HDAC9: variants seen among roughly 807,000 people sequenced by gnomAD.
HDAC9 encodes histone deacetylase 9, also known as MEF-2 interacting transcription repressor (MITR) protein.
A neutral mutation model predicts 139.4 loss-of-function variants in HDAC9; 41 were observed. The ratio of observed to expected loss-of-function variants is 0.29; its 90% confidence interval spans 0.23 to 0.38. The LOEUF is 0.38. HDAC9 is among the 10% of genes least tolerant of loss of function. HDAC9 has a pLI of 1.00. For synonymous variants in HDAC9, 517 were observed against 476.2 expected (o/e 1.09, Z -1.12); for missense variants, 1,147 against 1,297.0 (o/e 0.88, Z 1.78).
At chr7:18,966,337 T>G (rs1240371154) in intron 24 of HDAC9, among the ~76,000 whole-genome samples, 1 of 152,208 alleles carries the variant, frequency 6.6e-6, no homozygotes, top group Non-Finnish European at 1.5e-5. Flanking sequence ...TACTCAACAT[T>G]GCTGCCACTT....
chr7:18,573,247 C>T (rs1020761578), intron 2 of HDAC9, among the ~76,000 whole-genome samples: 3 of 152,190 alleles, frequency 2.0e-5, no homozygotes, highest in Admixed American at 2.0e-4. Context: ...CTGGATTAAT[C>T]AATTTAAATA....
intron 1 of HDAC9, among the ~76,000 whole-genome samples, chr7:18,308,150 T>G (rs961295267): frequency 6.6e-6 from 1 of 152,216 alleles, no homozygotes; most frequent in African/African-American, 2.4e-5. Context: ...CTTAAACATT[T>G]TAATAGTGTC....
chr7:18,977,919 G>C lies in HDAC9; in HGVS notation c.3170+1966G>C, dbSNP rs5011547. 4.0e-3 allele frequency among the ~76,000 whole-genome samples: 559 copies of C among 141,006 alleles called. 6 individuals are homozygous for C. Among genetic ancestry groups the C allele is most frequent in the African/African-American group, 0.014 (522 of 36,960 alleles). 92.5% of individuals were successfully genotyped at this position (141,006 alleles called of 152,430 possible). On this transcript the variant is annotated intron_variant, in intron 25 of 25. Coordinates refer to ENST00000686413, the MANE Select transcript of HDAC9 (RefSeq NM_178425.4). ...GAATTTCCTCAGAGACAGACAGACA[G>C]ACACACACACACACACACACACACA...
intron 2 of HDAC9, among the ~76,000 whole-genome samples, chr7:18,235,739 TA>T (rs371814912): frequency 3.3e-5 from 5 of 152,220 alleles, no homozygotes; most frequent in African/African-American, 1.2e-4. Context: ...CCTTATTTTG[TA>T]GTCGAGAAAA....
At chr7:18,450,163 A>G (rs1487501004) in intron 1 of HDAC9, among the ~76,000 whole-genome samples, 1 of 152,202 alleles carries the variant, frequency 6.6e-6, no homozygotes, top group African/African-American at 2.4e-5. Context: ...TGTGGAATGA[A>G]TTAATGTTTT....
chr7:18,531,597 T>G (rs1808968037), intron 2 of HDAC9, among the ~76,000 whole-genome samples: 1 of 152,174 alleles, frequency 6.6e-6, no homozygotes, highest in African/African-American at 2.4e-5. Flanking sequence ...ATGACCTATA[T>G]GTTGCTCCTT....
intron 14 of HDAC9, among the ~76,000 whole-genome samples, chr7:18,755,530 C>T (rs758668172): frequency 6.6e-6 from 1 of 151,956 alleles, no homozygotes; most frequent in Non-Finnish European, 1.5e-5. Context: ...TTTAAAAAAG[C>T]AAAGCTTTAA....
chr7:18,179,683 A>G (rs1455791768), intron 2 of HDAC9, among the ~76,000 whole-genome samples: 1 of 152,188 alleles, frequency 6.6e-6, no homozygotes, highest in Non-Finnish European at 1.5e-5. Context: ...AATTATACAA[A>G]TGCATATTTG....
chr7:18,984,726 G>C (rs772884745), intron 25 of HDAC9, among the ~76,000 whole-genome samples: 1 of 152,140 alleles, frequency 6.6e-6, no homozygotes, highest in East Asian at 1.9e-4. Flanking sequence ...CATTAGCTGA[G>C]AGAGAAAAAA....
At chr7:18,416,561 C>T (rs930648125) in intron 1 of HDAC9, among the ~76,000 whole-genome samples, 1 of 151,696 alleles carries the variant, frequency 6.6e-6, no homozygotes, top group Non-Finnish European at 1.5e-5. Context: ...AGGTGTTTTG[C>T]CAAATATTTA....
intron 13 of HDAC9, among the ~76,000 whole-genome samples, chr7:18,748,503 G>A (rs1217758708): frequency 6.6e-6 from 1 of 152,130 alleles, no homozygotes; most frequent in African/African-American, 2.4e-5. Flanking sequence ...TTACTAAACA[G>A]GATAGGCAGA....
At chr7:18,399,395 G>A (rs983688963) in intron 1 of HDAC9, among the ~76,000 whole-genome samples, 6 of 152,242 alleles carry the variant, frequency 3.9e-5, no homozygotes, top group African/African-American at 1.4e-4. Context: ...GAAAAATTCT[G>A]TGTTATAAAA....
chr7:18,279,685 T>C (rs544761697), intron 2 of HDAC9, among the ~76,000 whole-genome samples: 161 of 152,048 alleles, frequency 1.1e-3, no homozygotes, highest in African/African-American at 3.5e-3. Context: ...AGGCTGGTCT[T>C]AAACTCCTGA....
chr7:18,157,943 C>CT (rs1186272414), intron 1 of HDAC9, among the ~76,000 whole-genome samples: 1 of 151,608 alleles, frequency 6.6e-6, no homozygotes, highest in Non-Finnish European at 1.5e-5. Context: ...TTGTGATAAA[C>CT]TGAGTTTTTG....
Position 18,848,459 on chromosome 7 carries a change from T to G in HDAC9, c.2684+12462T>G, listed in dbSNP as rs184152314. On this transcript the variant is annotated intron_variant, in intron 21 of 25. Coordinates refer to ENST00000686413, the MANE Select transcript of HDAC9 (RefSeq NM_178425.4). Reference sequence around the variant, plus strand: ...TGAGGGTAGGTGCCCTTATGAGCAGTGACACCAGAGAGCTTGCTTCCTTGC... The same window carrying G: ...TGAGGGTAGGTGCCCTTATGAGCAGGGACACCAGAGAGCTTGCTTCCTTGC... Among the ~76,000 whole-genome samples the G allele has an allele frequency of 1.4e-4, 21 of 151,990 alleles. No individual in the cohort carries two copies. The East Asian group carries it at 3.7e-3, about 27-fold the overall frequency.
chr7:18,437,354 C>G (rs1362047167), intron 1 of HDAC9, among the ~76,000 whole-genome samples: 3 of 152,030 alleles, frequency 2.0e-5, no homozygotes, highest in African/African-American at 7.2e-5. Flanking sequence ...AAGTCAGACC[C>G]CTGAATCACC....
Position 18,340,796 on chromosome 7 carries a change from G to A in HDAC9, c.-42+50281G>A, listed in dbSNP as rs1236966464. On this transcript the variant is annotated intron_variant, in intron 1 of 3. Coordinates refer to the HDAC9 transcript ENST00000413509. The stretch of plus-strand genomic sequence containing the variant: ...ATTAAAAATGTTTATTTTTTCATAT[G>A]GTTACCTTCTCCTGTGCCTTTTATT... Among the ~76,000 whole-genome samples the A allele has an allele frequency of 2.6e-5, 4 of 151,404 alleles. No individual in the cohort carries two copies. The Middle Eastern group carries it at 0.01, about 386-fold the overall frequency.
chr7:18,422,744 GCACACACA>G (rs1233787931), intron 1 of HDAC9, among the ~76,000 whole-genome samples: 21 of 26,336 alleles, frequency 8.0e-4, no homozygotes, highest in Middle Eastern at 0.02. Flanking sequence ...ACACACACGC[GCACACACA>G]CACACACACA....
intron 1 of HDAC9, among the ~76,000 whole-genome samples, chr7:18,131,542 A>T (rs1359614529): frequency 6.6e-6 from 1 of 152,194 alleles, no homozygotes; most frequent in Non-Finnish European, 1.5e-5. Flanking sequence ...GGGATGCAGT[A>T]GGGGGTAGAG....
Sources: gnomAD v4.1 joint callset for allele counts (sites outside exome capture counted in the v4.1 genomes callset) on GRCh38, gnomAD v4.1.1 for gene constraint, MANE v1.5 for transcripts, NCBI Gene and HGNC (gene_info 2026-07-23, HGNC 2026-07-21) for gene names.